The following TBC1D15 variants were observed in gnomAD, a reference collection of about 807,000 sequenced individuals.
TBC1D15 encodes the protein TBC1 domain family member 15.
A neutral mutation model predicts 95.4 loss-of-function variants in TBC1D15; 39 were observed. That is an observed-to-expected ratio of 0.41 (90% CI 0.32 to 0.53). The LOEUF (loss-of-function observed/expected upper bound fraction) is 0.53, where lower values mean the gene tolerates loss of function less well. Ranked by LOEUF, TBC1D15 falls within the 20% of genes least tolerant of loss-of-function variation. The pLI is 0.29. For missense variants in TBC1D15, 733 were observed against 794.3 expected (o/e 0.92, Z 0.93); for synonymous variants, 258 against 261.3 (o/e 0.99, Z 0.12).
chr12:71,853,791 A>G (rs1245065889), intron 1 of TBC1D15, among the ~76,000 whole-genome samples: 3 of 152,218 alleles, frequency 2.0e-5, no homozygotes, highest in Admixed American at 6.5e-5. Context: ...CACTGCATTT[A>G]GTATAGAACT....
intron 1 of TBC1D15, chr12:71,849,720 C>G (rs1011970943): frequency 5.5e-6 from 3 of 549,736 alleles, no homozygotes; most frequent in South Asian, 4.9e-5. Flanking sequence ...TTCAAAGACT[C>G]GGGGGTCACT....
intron 11 of TBC1D15, among the ~76,000 whole-genome samples, chr12:71,908,991 G>A (rs17110381): frequency 0.086 from 13,153 of 152,158 alleles, 645 homozygotes; most frequent in South Asian, 0.14. Context: ...CATTCTCCTT[G>A]GGAACAGAAG....
intron 1 of TBC1D15, chr12:71,850,420 G>A: frequency 3.9e-6 from 1 of 254,020 alleles, no homozygotes; most frequent in Non-Finnish European, 7.7e-6. Context: ...TGGCTGCACA[G>A]CCACAGGCAG....
At chr12:71,879,332 AC>A (rs2138442027) in intron 3 of TBC1D15, among the ~76,000 whole-genome samples, 1 of 151,988 alleles carries the variant, frequency 6.6e-6, no homozygotes, top group African/African-American at 2.4e-5. Flanking sequence ...ACGGAGTTTT[AC>A]CATGTTGGCC....
At chr12:71,894,136 C>A (rs561753860) in intron 6 of TBC1D15, among the ~76,000 whole-genome samples, 1 of 152,070 alleles carries the variant, frequency 6.6e-6, no homozygotes, top group South Asian at 2.1e-4. Context: ...GTAGAAAAAC[C>A]TTTTGCTGTT....
chr12:71,920,627 AC>A, intron 14 of TBC1D15, 103 bp from the exon 15 acceptor site: 1 of 880,106 alleles, frequency 1.1e-6, no homozygotes, highest in Non-Finnish European at 1.9e-6. Context: ...TAAACAGGCA[AC>A]ATCTACTTTG....
At chr12:71,846,476 C>T (rs1220711764) in intron 1 of TBC1D15, among the ~76,000 whole-genome samples, 1 of 152,152 alleles carries the variant, frequency 6.6e-6, no homozygotes, top group Non-Finnish European at 1.5e-5. Context: ...TTTATGATGT[C>T]TGGCACATAA....
intron 1 of TBC1D15, among the ~76,000 whole-genome samples, chr12:71,844,106 A>G (rs986473629): frequency 6.6e-6 from 1 of 152,132 alleles, no homozygotes; most frequent in Admixed American, 6.5e-5. Flanking sequence ...TGATCTTCTA[A>G]ATATCTTTCT....
At chr12:71,920,322 T>C (rs1412359867) in intron 14 of TBC1D15, among the ~76,000 whole-genome samples, 1 of 152,184 alleles carries the variant, frequency 6.6e-6, no homozygotes, top group African/African-American at 2.4e-5. Context: ...AACTGAACCT[T>C]TTTTTATTTC....
chr12:71,857,498 CAG>C lies in TBC1D15; in HGVS notation c.31-14569_31-14568del, dbSNP rs142744188. ...ATACTACTCAGGAATCAATTCATGACAGAGTAATTAAGAAATATCTTCATTAT... is the reference window on the plus strand; with the variant it reads ...ATACTACTCAGGAATCAATTCATGACAGTAATTAAGAAATATCTTCATTAT... On this transcript the variant is annotated intron_variant, in intron 1 of 16. Transcript: ENST00000485960. Among the ~76,000 whole-genome samples the C allele has an allele frequency of 4.4e-3, 663 of 152,196 alleles. 5 individuals are homozygous for C. Among genetic ancestry groups the C allele is most frequent in the African/African-American group, 0.015 (604 of 41,520 alleles).
chr12:71,914,167 A>G (rs1008280726), intron 12 of TBC1D15, among the ~76,000 whole-genome samples: 3 of 151,914 alleles, frequency 2.0e-5, no homozygotes, highest in African/African-American at 7.2e-5. Context: ...AATATCAGTA[A>G]ATGCTTATTT....
intron 9 of TBC1D15, among the ~76,000 whole-genome samples, 195 bp from the exon 10 acceptor site, chr12:71,897,652 T>A (rs942064774): frequency 1.3e-5 from 2 of 152,012 alleles, no homozygotes; most frequent in African/African-American, 4.8e-5. Context: ...AACTTTGTGA[T>A]ATTTATCGGT....
At chr12:71,897,241 TAA>T (rs1300652636) in intron 9 of TBC1D15, 2 of 153,974 alleles carry the variant, frequency 1.3e-5, no homozygotes, top group African/African-American at 4.8e-5. Flanking sequence ...ATTTCTATTT[TAA>T]GTTATTCCTC....
At chr12:71,892,061 T>TA (rs1052233621) in intron 5 of TBC1D15, among the ~76,000 whole-genome samples, 6 of 152,118 alleles carry the variant, frequency 3.9e-5, no homozygotes, top group African/African-American at 1.4e-4. Flanking sequence ...GTCCATCATT[T>TA]AAAAAATGCC....
At chr12:71,868,462 G>A (rs896954455) in intron 1 of TBC1D15, among the ~76,000 whole-genome samples, 5 of 151,880 alleles carry the variant, frequency 3.3e-5, no homozygotes, top group African/African-American at 7.3e-5. Flanking sequence ...TAGCCAGGAC[G>A]GTCTCGATCT....
chr12:71,868,754 G>A (rs1013900769), intron 1 of TBC1D15: 2 of 152,164 alleles, frequency 1.3e-5, no homozygotes, highest in Non-Finnish European at 2.9e-5. Context: ...TAAAGTTCTA[G>A]AATCTCTTTA....
At chr12:71,883,931 A>G (rs1402398834) in intron 4 of TBC1D15, among the ~76,000 whole-genome samples, 1 of 152,124 alleles carries the variant, frequency 6.6e-6, no homozygotes, top group Non-Finnish European at 1.5e-5. Context: ...CTTGTTATCA[A>G]TTACGATAAT....
intron 3 of TBC1D15, among the ~76,000 whole-genome samples, chr12:71,875,993 G>A (rs1251626358): frequency 2.0e-5 from 3 of 151,850 alleles, no homozygotes; most frequent in Non-Finnish European, 4.4e-5. Context: ...GAGAGACGGG[G>A]TTTCACCATA....
chr12:71,867,655 T>G (rs940029686), intron 1 of TBC1D15, among the ~76,000 whole-genome samples: 4 of 152,294 alleles, frequency 2.6e-5, no homozygotes, highest in African/African-American at 9.6e-5. Context: ...AAACAAAAAA[T>G]CATTTATTTA....
Sources: allele counts gnomAD v4.1 joint callset (sites outside exome capture counted in the v4.1 genomes callset), GRCh38; gene constraint gnomAD v4.1.1; transcripts MANE v1.5; gene names NCBI Gene and HGNC (gene_info 2026-07-23, HGNC 2026-07-21).